C6orf120: variants seen among roughly 807,000 people sequenced by gnomAD.
The protein encoded by C6orf120 is UPF0669 protein C6orf120.
For synonymous variants in C6orf120, 165 were observed against 123.1 expected (o/e 1.34, Z -2.25); for missense variants, 311 against 264.2 (o/e 1.18, Z -1.23).
exon 1 of C6orf120, chr6:169,703,848 A>G: frequency 1.7e-6 from 1 of 598,778 alleles, no homozygotes; most frequent in South Asian, 2.3e-5. Flanking sequence ...ACCTGGAGTT[A>G]GTTTCGAGAG....
downstream of C6orf120, chr6:169,705,180 T>G: frequency 6.2e-7 from 1 of 1,613,548 alleles, no homozygotes; most frequent in South Asian, 1.1e-5. Flanking sequence ...ATAACCTCTG[T>G]CACACATATC....
At chr6:169,702,908 C>G (rs753962804) in exon 1 of C6orf120, 1 of 1,612,622 alleles carries the variant, frequency 6.2e-7, no homozygotes, top group African/African-American at 1.3e-5. Flanking sequence ...GCCGCCTACC[C>G]CGCCGACGGC....
exon 1 of C6orf120, chr6:169,702,675 C>G (rs759064694): frequency 3.1e-6 from 5 of 1,613,502 alleles, no homozygotes; most frequent in East Asian, 2.2e-5. Flanking sequence ...TGCGCAGCCT[C>G]AAGGGAGATG....
At chr6:169,703,162 G>C (rs1788524998) in exon 1 of C6orf120, 2 of 1,034,902 alleles carry the variant, frequency 1.9e-6, no homozygotes, top group South Asian at 1.7e-5. Flanking sequence ...GAAAAATAAA[G>C]CCATACGCAG....
exon 1 of C6orf120, chr6:169,702,437 G>T: frequency 7.0e-7 from 1 of 1,431,318 alleles, no homozygotes; most frequent in Non-Finnish European, 9.5e-7. Context: ...CCACTTGCAG[G>T]CCCCGGAGCT....
At chr6:169,705,760 G>C (rs1788762989), downstream of C6orf120, 4 of 1,003,146 alleles carry the variant, frequency 4.0e-6, no homozygotes, top group Admixed American at 1.7e-5. Context: ...ATTCATGCCA[G>C]AAGAGCTTAC....
chr6:169,702,960 C>T (rs1372749114), exon 1 of C6orf120: 2 of 1,607,820 alleles, frequency 1.2e-6, no homozygotes, highest in Non-Finnish European at 1.7e-6. Flanking sequence ...CGGAAGACGC[C>T]TCGCAAGAGG....
At chr6:169,702,608 G>A (rs951539918) in exon 1 of C6orf120, 4 of 1,613,356 alleles carry the variant, frequency 2.5e-6, no homozygotes, top group Non-Finnish European at 3.4e-6. Context: ...GGCCAGATAG[G>A]CGCCGGGAAC....
chr6:169,702,477 G>A (rs909167890), exon 1 of C6orf120: 2 of 1,564,554 alleles, frequency 1.3e-6, no homozygotes. Flanking sequence ...CTCCCCGCGG[G>A]AGGGCCGCGC....
exon 1 of C6orf120, chr6:169,703,291 TTGACTAAAAA>T: frequency 1.9e-6 from 1 of 525,658 alleles, no homozygotes; most frequent in Admixed American, 3.5e-5. Flanking sequence ...ATTAGGCAGG[TTGACTAAAAA>T]TGATTGCAGT....
rs1270982997 is a variant in C6orf120 at position 169,702,490 on chromosome 6, TGG to T, written c.32_33del (p.Trp11TyrfsTer170). 2.5e-6 allele frequency: 4 copies of T among 1,581,654 alleles called. No individual in the cohort carries two copies. Among genetic ancestry groups the T allele is most frequent in the Non-Finnish European group, 3.4e-6 (4 of 1,164,820 alleles). ...CGCTCCCCGCGGGAGGGCCGCGCCC[TGG>T]ACGACGGCCCTGCTGCTGCTCCTAG... On this transcript the variant is annotated frameshift_variant, in exon 1 of 1. Coordinates refer to ENST00000332290, the Ensembl canonical transcript of C6orf120. LOFTEE classifies it low-confidence loss of function (END_TRUNC).
At chr6:169,702,775 A>C (rs1218988487) in exon 1 of C6orf120, 15 of 1,613,082 alleles carry the variant, frequency 9.3e-6, no homozygotes, top group Non-Finnish European at 1.3e-5. Flanking sequence ...CGCCGTGTCC[A>C]TCCCCGCGCA....
chr6:169,705,111 T>G, downstream of C6orf120: 1 of 1,562,354 alleles, frequency 6.4e-7, no homozygotes, highest in Non-Finnish European at 8.7e-7. Flanking sequence ...AAGATAATGT[T>G]TGCTCTTTTT....
exon 1 of C6orf120, chr6:169,702,576 G>C (rs551668624): frequency 2.5e-5 from 40 of 1,613,018 alleles, no homozygotes; most frequent in Non-Finnish European, 3.3e-5. Context: ...CCGAGGAGTG[G>C]GTGCTCCTGC....
At chr6:169,702,814 T>A (rs148582871) in exon 1 of C6orf120, 1 of 1,612,842 alleles carries the variant, frequency 6.2e-7, no homozygotes, top group African/African-American at 1.3e-5. Context: ...CATCGGCGTC[T>A]ATGGACACCC....
At chr6:169,702,374 G>C (rs1788344575) in exon 1 of C6orf120, 2 of 818,580 alleles carry the variant, frequency 2.4e-6, no homozygotes, top group African/African-American at 3.4e-5. Flanking sequence ...GCGTGCGGAC[G>C]GCGGGGACAG....
chr6:169,702,880 C>A, exon 1 of C6orf120: 2 of 1,612,012 alleles, frequency 1.2e-6, no homozygotes, highest in Non-Finnish European at 1.7e-6. Context: ...CACGGTCGAG[C>A]AGCACCCGTT....
exon 1 of C6orf120, chr6:169,703,978 T>G (rs1165337055): frequency 6.6e-7 from 1 of 1,509,836 alleles, no homozygotes; most frequent in African/African-American, 1.4e-5. Flanking sequence ...TAAATGCATA[T>G]ACAGTATTAG....
At chr6:169,706,351 C>G (rs1442034363), downstream of C6orf120, among the ~76,000 whole-genome samples, 1 of 151,912 alleles carries the variant, frequency 6.6e-6, no homozygotes, top group Non-Finnish European at 1.5e-5. Context: ...AGAATCTATA[C>G]TTAGAAAGAT....
Sources: gnomAD v4.1 joint callset for allele counts (sites outside exome capture counted in the v4.1 genomes callset) on GRCh38, gnomAD v4.1.1 for gene constraint, MANE v1.5 for transcripts, NCBI Gene and HGNC (gene_info 2026-07-23, HGNC 2026-07-21) for gene names.